The following SH3RF1 variants were observed in gnomAD, a reference collection of about 807,000 sequenced individuals.
The protein encoded by SH3RF1 is E3 ubiquitin-protein ligase SH3RF1.
In SH3RF1, 32 loss-of-function variants were observed where a neutral mutation model predicts 74.0. The ratio of observed to expected loss-of-function variants is 0.43; its 90% CI spans 0.33 to 0.58. The LOEUF (loss-of-function observed/expected upper bound fraction) is 0.58, where lower values mean the gene tolerates loss of function less well. Among genes scored for constraint, SH3RF1 ranks in the 20% least tolerant of loss-of-function variants. The probability of loss-of-function intolerance (pLI) is 0.05; values close to 1 mark genes in which losing one functional copy is unlikely to be tolerated. For missense variants in SH3RF1, 954 were observed against 1,130.9 expected (o/e 0.84, Z 2.24); for synonymous variants, 396 against 439.6 (o/e 0.90, Z 1.24).
chr4:169,134,857 A>G (rs1733677566), intron 5 of SH3RF1, among the ~76,000 whole-genome samples: 1 of 152,206 alleles, frequency 6.6e-6, no homozygotes, highest in African/African-American at 2.4e-5. Flanking sequence ...ATCAGTGTAC[A>G]AAACAAAGAC....
At chr4:169,150,713 C>G (rs1472000292) in intron 4 of SH3RF1, among the ~76,000 whole-genome samples, 1 of 152,078 alleles carries the variant, frequency 6.6e-6, no homozygotes, top group South Asian at 2.1e-4. Context: ...GACTGCAGTA[C>G]GCCATTTTAT....
chr4:169,202,531 T>C (rs1032073546), intron 2 of SH3RF1, among the ~76,000 whole-genome samples: 2 of 152,220 alleles, frequency 1.3e-5, no homozygotes, highest in African/African-American at 4.8e-5. Flanking sequence ...AATAAAAACC[T>C]TCAGCTTACA....
intron 2 of SH3RF1, among the ~76,000 whole-genome samples, chr4:169,178,726 A>G (rs997804846): frequency 6.6e-6 from 1 of 152,198 alleles, no homozygotes; most frequent in African/African-American, 2.4e-5. Context: ...GGCCTAGACC[A>G]TGTATGCAAT....
At chr4:169,202,488 G>A (rs1303705408) in intron 2 of SH3RF1, among the ~76,000 whole-genome samples, 1 of 152,198 alleles carries the variant, frequency 6.6e-6, no homozygotes, top group African/African-American at 2.4e-5. Context: ...TGAAGGAGGG[G>A]ATGTGGTTCC....
At chr4:169,233,874 G>T (rs1454490858) in intron 2 of SH3RF1, among the ~76,000 whole-genome samples, 1 of 152,000 alleles carries the variant, frequency 6.6e-6, no homozygotes, top group African/African-American at 2.4e-5. Flanking sequence ...CTTCCCCCAC[G>T]ATTTCTCTAT....
chr4:169,113,385 C>T (rs1383702086), intron 10 of SH3RF1, among the ~76,000 whole-genome samples: 1 of 152,202 alleles, frequency 6.6e-6, no homozygotes, highest in African/African-American at 2.4e-5. Context: ...GCTGGGATTA[C>T]AGGTGTAAGC....
chr4:169,248,318 A>C (rs1731042940), intron 2 of SH3RF1, among the ~76,000 whole-genome samples: 1 of 152,208 alleles, frequency 6.6e-6, no homozygotes, highest in African/African-American at 2.4e-5. Context: ...ATAAAAAAGA[A>C]TGAGTTCATG....
intron 11 of SH3RF1, among the ~76,000 whole-genome samples, chr4:169,097,119 C>A (rs56299309): frequency 6.6e-6 from 1 of 151,972 alleles, no homozygotes; most frequent in Non-Finnish European, 1.5e-5. Flanking sequence ...CTCTCTGAAC[C>A]GCCTGCCCAC....
intron 2 of SH3RF1, among the ~76,000 whole-genome samples, chr4:169,209,998 G>A (rs1730332078): frequency 6.6e-6 from 1 of 152,112 alleles, no homozygotes; most frequent in Non-Finnish European, 1.5e-5. Flanking sequence ...GGTTCGCCAT[G>A]TTGCCCAGGC....
intron 4 of SH3RF1, among the ~76,000 whole-genome samples, chr4:169,139,762 G>A (rs1347705360): frequency 6.6e-6 from 1 of 152,178 alleles, no homozygotes; most frequent in Non-Finnish European, 1.5e-5. Context: ...AAGCCAACTG[G>A]CAAGTAGAAG....
intron 2 of SH3RF1, among the ~76,000 whole-genome samples, chr4:169,262,811 AC>A (rs1223210419): frequency 6.6e-6 from 1 of 152,086 alleles, no homozygotes; most frequent in Non-Finnish European, 1.5e-5. Context: ...TGCACCACAG[AC>A]CCCCTTTCCC....
intron 2 of SH3RF1, among the ~76,000 whole-genome samples, chr4:169,179,102 C>T (rs1290932609): frequency 6.6e-6 from 1 of 152,100 alleles, no homozygotes; most frequent in African/African-American, 2.4e-5. Flanking sequence ...GAAAGATTAT[C>T]CTGGCTTATC....
At chr4:169,194,687 T>C (rs965039816) in intron 2 of SH3RF1, among the ~76,000 whole-genome samples, 1 of 152,180 alleles carries the variant, frequency 6.6e-6, no homozygotes, top group African/African-American at 2.4e-5. Context: ...CTTGAATGTG[T>C]CTGTTGTTTG....
chr4:169,236,887 T>C (rs374997163), intron 2 of SH3RF1, among the ~76,000 whole-genome samples: 5 of 152,180 alleles, frequency 3.3e-5, no homozygotes, highest in Admixed American at 1.3e-4. Flanking sequence ...ACCCAGGATA[T>C]CATCTGTTAC....
chr4:169,162,510 C>T (rs1022764958), intron 2 of SH3RF1, among the ~76,000 whole-genome samples: 3 of 152,170 alleles, frequency 2.0e-5, no homozygotes, highest in Non-Finnish European at 4.4e-5. Context: ...AAGCACTGTG[C>T]TGGGGAATTT....
chr4:169,234,188 AT>A (rs943810773), intron 2 of SH3RF1, among the ~76,000 whole-genome samples: 4 of 151,616 alleles, frequency 2.6e-5, no homozygotes, highest in East Asian at 1.9e-4. Context: ...GACAATGTCA[AT>A]TTTTTTTTAA....
At chr4:169,218,963 A>G (rs1730518938) in intron 2 of SH3RF1, among the ~76,000 whole-genome samples, 1 of 152,204 alleles carries the variant, frequency 6.6e-6, no homozygotes, top group Non-Finnish European at 1.5e-5. Flanking sequence ...AGACTTCTTA[A>G]CAGACTTTGC....
chr4:169,230,099 G>C (rs770641355), intron 2 of SH3RF1, among the ~76,000 whole-genome samples: 1 of 152,138 alleles, frequency 6.6e-6, no homozygotes, highest in South Asian at 2.1e-4. Context: ...CCAGCTACTC[G>C]GGAGGCCGAG....
At position 169,140,900 on chromosome 4, in the gene SH3RF1, C is replaced by T. The variant is rs994258690; in HGVS notation, c.766-4280G>A. Among the ~76,000 whole-genome samples, 14 of 152,058 alleles carry T rather than the reference C, an allele frequency of 9.2e-5. No individual in the cohort carries two copies. In the East Asian group the frequency reaches 1.4e-3, roughly 15 times the overall value. ...CACTAGAGCAAGCTTGTCCAACCCA[C>T]GGTCCTCTACATGTAGCCCAACACA... On this transcript the variant is annotated intron_variant, in intron 4 of 11. Transcript: ENST00000284637.
Sources: gnomAD v4.1 joint callset for allele counts (sites outside exome capture counted in the v4.1 genomes callset) on GRCh38, gnomAD v4.1.1 for gene constraint, MANE v1.5 for transcripts, NCBI Gene and HGNC (gene_info 2026-07-23, HGNC 2026-07-21) for gene names.